Variants in MAPKAP1 observed in about 807,000 individuals in gnomAD.
MAPKAP1 encodes the protein MAPK associated protein 1.
In MAPKAP1, 20 loss-of-function variants were observed where a neutral mutation model predicts 65.7. That is an observed-to-expected ratio of 0.30 (90% CI 0.21 to 0.44). MAPKAP1 has a LOEUF of 0.44. Ranked by LOEUF, MAPKAP1 falls within the 20% of genes least tolerant of loss-of-function variation. MAPKAP1 has a pLI of 1.00. For synonymous variants in MAPKAP1, 222 were observed against 244.3 expected (o/e 0.91, Z 0.85); for missense variants, 423 against 648.0 (o/e 0.65, Z 3.77).
At chr9:125,531,683 T>A (rs573215448) in intron 7 of MAPKAP1, among the ~76,000 whole-genome samples, 2 of 152,306 alleles carry the variant, frequency 1.3e-5, no homozygotes, top group South Asian at 4.2e-4. Flanking sequence ...TGAGTATTTT[T>A]AAACCACAGA....
chr9:125,565,646 T>C (rs1488115236), intron 5 of MAPKAP1: 15 of 400,350 alleles, frequency 3.7e-5, no homozygotes, highest in South Asian at 2.1e-4. Flanking sequence ...TTTAAGGTGA[T>C]CAAGATTTCC....
At chr9:125,579,387 G>A (rs926991491) in intron 5 of MAPKAP1, among the ~76,000 whole-genome samples, 36 of 152,168 alleles carry the variant, frequency 2.4e-4, no homozygotes, top group African/African-American at 8.7e-4. Context: ...CGTCTCCCAG[G>A]TTCAAGTGAT....
rs1852353195 is a variant in MAPKAP1 at position 125,437,939 on chromosome 9, T to C, written c.*948A>G. The C allele has an allele frequency of 1.3e-5, 2 of 154,776 alleles. No homozygotes were observed. The highest frequency in any genetic ancestry group is 2.9e-5 in the Non-Finnish European group (2 of 69,902). The allele number at this position is 154,776 out of a possible 1,614,324, so 9.6% of individuals were successfully genotyped here. A position where few individuals can be genotyped will look rare whatever the true frequency, so the allele number is the denominator to read the frequency against. Reference sequence around the variant, plus strand: ...GTCTCCCTCCGCTCACCCCTCTCCCTGAAACGTGAGAAACAGCAGCTTTCC... The same window carrying C: ...GTCTCCCTCCGCTCACCCCTCTCCCCGAAACGTGAGAAACAGCAGCTTTCC... On this transcript the variant is annotated 3_prime_UTR_variant, in exon 12 of 12. Coordinates refer to ENST00000265960, the MANE Select transcript of MAPKAP1 (RefSeq NM_001006617.3).
intron 4 of MAPKAP1, among the ~76,000 whole-genome samples, chr9:125,619,640 G>A (rs902589079): frequency 1.3e-4 from 20 of 151,570 alleles, no homozygotes; most frequent in African/African-American, 4.4e-4. Context: ...TCATATATAC[G>A]AACATAGCAG....
At chr9:125,452,129 T>C (rs1852979302) in intron 10 of MAPKAP1, among the ~76,000 whole-genome samples, 1 of 151,348 alleles carries the variant, frequency 6.6e-6, no homozygotes, top group Non-Finnish European at 1.5e-5. Flanking sequence ...AGACAGAGTC[T>C]TCCTCTGTCA....
intron 7 of MAPKAP1, among the ~76,000 whole-genome samples, chr9:125,518,477 G>A (rs909719093): frequency 6.6e-6 from 1 of 152,004 alleles, no homozygotes; most frequent in Non-Finnish European, 1.5e-5. Flanking sequence ...GGGAGCTCGA[G>A]ACCAGTGAAA....
chr9:125,688,404 C>T (rs986422460), intron 1 of MAPKAP1, among the ~76,000 whole-genome samples: 6 of 152,122 alleles, frequency 3.9e-5, no homozygotes, highest in African/African-American at 1.4e-4. Context: ...TCCCAAAGTA[C>T]GGGGGTTACA....
At chr9:125,681,213 C>T (rs556384730) in intron 1 of MAPKAP1, among the ~76,000 whole-genome samples, 6 of 152,330 alleles carry the variant, frequency 3.9e-5, no homozygotes, top group Middle Eastern at 6.8e-3. Context: ...TGAATCTGGA[C>T]TCACACTGCG....
chr9:125,528,013 G>GT (rs901727035), intron 7 of MAPKAP1, among the ~76,000 whole-genome samples: 3 of 152,220 alleles, frequency 2.0e-5, no homozygotes, highest in African/African-American at 7.2e-5. Context: ...CTGTGGACTG[G>GT]TTTTCACTAC....
chr9:125,577,372 C>T (rs1433519757), intron 5 of MAPKAP1, among the ~76,000 whole-genome samples: 1 of 150,772 alleles, frequency 6.6e-6, no homozygotes. Flanking sequence ...GCAGCCACCC[C>T]GTCCGGGAGG....
chr9:125,459,686 G>A (rs906530276), intron 10 of MAPKAP1, among the ~76,000 whole-genome samples: 11 of 152,238 alleles, frequency 7.2e-5, no homozygotes, highest in African/African-American at 2.7e-4. Flanking sequence ...GTGGCGGCAC[G>A]CGCCTGCAAT....
intron 5 of MAPKAP1, chr9:125,565,462 T>A (rs1404147471): frequency 5.7e-6 from 1 of 175,224 alleles, no homozygotes; most frequent in African/African-American, 2.4e-5. Flanking sequence ...TTTTTTTACA[T>A]GAAAAATAAA....
At chr9:125,599,893 C>G (rs944162776) in intron 4 of MAPKAP1, 4 of 152,322 alleles carry the variant, frequency 2.6e-5, no homozygotes, top group African/African-American at 9.6e-5. Flanking sequence ...CCTTGGCCTC[C>G]CAAGTGCTGG....
intron 8 of MAPKAP1, among the ~76,000 whole-genome samples, chr9:125,494,247 T>C (rs189472380): frequency 5.9e-4 from 90 of 152,274 alleles, no homozygotes; most frequent in African/African-American, 2.0e-3. Flanking sequence ...CTAGTTATTT[T>C]TGCTGGTCTC....
intron 7 of MAPKAP1, among the ~76,000 whole-genome samples, chr9:125,523,226 T>C (rs1449255322): frequency 6.6e-6 from 1 of 152,194 alleles, no homozygotes; most frequent in Non-Finnish European, 1.5e-5. Context: ...CCTGGTGCCA[T>C]GCTAGGTTCC....
At chr9:125,521,450 G>A in intron 7 of MAPKAP1, 1 of 1,170,436 alleles carries the variant, frequency 8.5e-7, no homozygotes, top group Non-Finnish European at 1.1e-6. Context: ...CTGTTGCTCT[G>A]TAAAGAAATA....
intron 5 of MAPKAP1, among the ~76,000 whole-genome samples, chr9:125,561,413 T>C (rs1260872675): frequency 6.6e-6 from 1 of 152,266 alleles, no homozygotes; most frequent in Non-Finnish European, 1.5e-5. Flanking sequence ...GTAAATTTGC[T>C]AAATGGATTG....
chr9:125,593,513 T>C (rs571293633), intron 4 of MAPKAP1, among the ~76,000 whole-genome samples: 1 of 152,050 alleles, frequency 6.6e-6, no homozygotes, highest in East Asian at 1.9e-4. Context: ...ATACAAAAAA[T>C]TAGCCAGGTG....
chr9:125,694,056 C>G (rs933502737), intron 1 of MAPKAP1, among the ~76,000 whole-genome samples: 1 of 151,642 alleles, frequency 6.6e-6, no homozygotes, highest in Non-Finnish European at 1.5e-5. Flanking sequence ...AGGTTGGGCA[C>G]GGTGGCTCAT....
Sources: gnomAD v4.1 joint callset for allele counts (sites outside exome capture counted in the v4.1 genomes callset) on GRCh38, gnomAD v4.1.1 for gene constraint, MANE v1.5 for transcripts, NCBI Gene and HGNC (gene_info 2026-07-23, HGNC 2026-07-21) for gene names.